CCDC88C: variants seen among roughly 807,000 people sequenced by gnomAD.
The protein encoded by CCDC88C is coiled-coil and HOOK domain protein 88C.
CCDC88C carries 131 observed loss-of-function variants against 198.8 expected under a neutral mutation model. The ratio of observed to expected loss-of-function variants is 0.66; its 90% CI spans 0.57 to 0.76. The LOEUF (loss-of-function observed/expected upper bound fraction) is 0.76, where lower values mean the gene tolerates loss of function less well. CCDC88C is among the 30% of genes least tolerant of loss of function. CCDC88C has a pLI of 0.00. For missense variants in CCDC88C, 2,553 were observed against 2,631.6 expected (o/e 0.97, Z 0.65); for synonymous variants, 1,166 against 1,114.7 (o/e 1.05, Z -0.92).
In CCDC88C at chr14:91,271,431, A is replaced by C. The variant is rs530978274; in HGVS notation, c.*1194T>G. 1.3e-5 allele frequency: 2 copies of C among 152,206 alleles called. No homozygotes were observed. The highest frequency in any genetic ancestry group is 2.9e-5 in the Non-Finnish European group (2 of 67,996). 9.4% of individuals were successfully genotyped at this position (152,206 alleles called of 1,614,324 possible). On this transcript the variant is annotated 3_prime_UTR_variant, in exon 30 of 30. Coordinates refer to ENST00000389857, the MANE Select transcript of CCDC88C (RefSeq NM_001080414.4). ...AAAATGGATCTTGTTAACATTCAAA[A>C]GTCTCCCATTTCTTTCTCAGTATAT...
At chr14:91,360,252 TCACACACACACACACACACACACA>T (rs57026211) in intron 3 of CCDC88C, among the ~76,000 whole-genome samples, 1 of 144,196 alleles carries the variant, frequency 6.9e-6, no homozygotes, top group Non-Finnish European at 1.5e-5. Flanking sequence ...GACCCCATCT[TCACACACACACACACACACACACA>T]CACACACACA....
rs929809876 is a variant in CCDC88C at position 91,370,285 on chromosome 14, C to T, written c.271-10574G>A. 9.9e-5 allele frequency among the ~76,000 whole-genome samples: 15 copies of T among 152,196 alleles called. No homozygotes were observed. The Middle Eastern group carries it at 9.5e-3, about 96-fold the overall frequency. On this transcript the variant is annotated intron_variant, in intron 3 of 29. Coordinates refer to ENST00000389857, the MANE Select transcript of CCDC88C (RefSeq NM_001080414.4). ...GGAAGGGAGGGGCTGGAAAAAGAGA[C>T]GCTGCTGGCAAGAGAGGCACAGCAC... is the stretch of plus-strand genomic sequence containing the variant.
chr14:91,417,573 G>C, intron 1 of CCDC88C, 58 bp downstream of exon 1: 1 of 1,502,654 alleles, frequency 6.7e-7, no homozygotes, highest in Non-Finnish European at 9.0e-7. Context: ...GCGTCCCGTC[G>C]CCGGGCTAGA....
Position 91,283,516 on chromosome 14 carries a change from G to T in CCDC88C, c.4443C>A (p.Gly1481=), listed in dbSNP as rs1431160688. ...CTCGCTTTGGTTTTAGATCCCCAGG[G>T]CCTGAGGCAGAAGAGGACATTGAGA... The part of the protein sequence containing the change: ...RDAHNGSVGK[G]PGDLKPKRGS... Residue 1481 remains glycine (G), a splice_region_variant and synonymous_variant, in exon 26 of 30, where the codon GGC becomes GGA. Coordinates refer to ENST00000389857, the MANE Select transcript of CCDC88C (RefSeq NM_001080414.4). 1.2e-6 allele frequency: 2 copies of T among 1,607,152 alleles called. No homozygotes were observed. The highest frequency in any genetic ancestry group is 2.2e-5 in the South Asian group (2 of 89,566).
At chr14:91,309,532 C>G (rs753445316) in intron 16 of CCDC88C, among the ~76,000 whole-genome samples, 2 of 151,582 alleles carry the variant, frequency 1.3e-5, no homozygotes, top group Non-Finnish European at 2.9e-5. Context: ...ATCGCTTGAA[C>G]CCGGGAGGTG....
At chr14:91,336,059 T>C (rs1893029839) in intron 10 of CCDC88C, among the ~76,000 whole-genome samples, 1 of 152,244 alleles carries the variant, frequency 6.6e-6, no homozygotes, top group East Asian at 1.9e-4. Context: ...CTTTCTCTTG[T>C]GATTAATAAA....
rs1894215310 is a variant in CCDC88C, at chr14:91,359,703, G to A, written c.279C>T (p.Leu93=). The change falls in exon 4 of 30, where the codon CTC becomes CTT. Residue 93 remains leucine, a synonymous_variant. Transcript: ENST00000389857. The part of the protein sequence containing the change: ...RNIKTYYQEV[L]QQLIVMNLPN... ...GCAAATTCATTACAATCAGCTGCTG[G>A]AGAACTTCCTGCAGAAACAAAGGGG... 1.2e-6 allele frequency: 2 copies of A among 1,609,458 alleles called. No homozygotes were observed. The highest frequency in any genetic ancestry group is 1.7e-5 in the Admixed American group (1 of 59,398).
chr14:91,331,533 T>TGC (rs1438427325), intron 10 of CCDC88C, among the ~76,000 whole-genome samples: 1 of 148,586 alleles, frequency 6.7e-6, no homozygotes, highest in Non-Finnish European at 1.5e-5. Flanking sequence ...CACGTGTGTG[T>TGC]GCGCGTGCGA....
intron 4 of CCDC88C, among the ~76,000 whole-genome samples, chr14:91,346,015 C>T (rs1428069118): frequency 6.6e-6 from 1 of 152,110 alleles, no homozygotes; most frequent in Non-Finnish European, 1.5e-5. Context: ...GCTTTCTTCT[C>T]TTAAAAGACT....
At chr14:91,298,878 G>A (rs1478602309) in intron 21 of CCDC88C, among the ~76,000 whole-genome samples, 1 of 152,212 alleles carries the variant, frequency 6.6e-6, no homozygotes, top group Non-Finnish European at 1.5e-5. Context: ...GACAGGACCT[G>A]GATTCCATCC....
Position 91,339,333 on chromosome 14 carries a change from G to C in CCDC88C, c.754C>G (p.Leu252Val), listed in dbSNP as rs61745576. The change falls in exon 8 of 30, where the codon CTG becomes GTG. Residue 252 changes from leucine (L) to valine (V), a missense_variant. Leu to Val is a conservative substitution (Grantham distance 32, BLOSUM62 1). Coordinates refer to ENST00000389857, the MANE Select transcript of CCDC88C (RefSeq NM_001080414.4). The surrounding 1 kb of genome is among the most constrained non-coding windows in gnomAD (Gnocchi z 5.8). ...SSLSSEDKQH[L>V]AVELADTKAR... ...TTGGTGTCGGCCAGCTCTACGGCCA[G>C]GTGCTGCTTGTCTTCGCTAGAGAGG... 1.0e-3 allele frequency: 1,611 copies of C among 1,613,790 alleles called. 16 individuals carry two copies. The African/African-American group carries it at 0.02, about 20-fold the overall frequency.
At chr14:91,384,049 C>G (rs138245187) in intron 3 of CCDC88C, among the ~76,000 whole-genome samples, 2 of 152,254 alleles carry the variant, frequency 1.3e-5, no homozygotes, top group Non-Finnish European at 2.9e-5. Flanking sequence ...TCCTAGGGCA[C>G]CACATCTGGG....
chr14:91,381,701 G>A lies in CCDC88C; in HGVS notation c.271-21990C>T, dbSNP rs1449005381. Among the ~76,000 whole-genome samples, 1 of 152,176 alleles carries A rather than the reference G, an allele frequency of 6.6e-6. No homozygotes were observed. Among genetic ancestry groups the A allele is most frequent in the Admixed American group, 6.5e-5 (1 of 15,280 alleles). ...TACAAACAATTATCTGGGCATGGTG[G>A]CGCGTGCATGTAATTCCAGGTACTT... is the stretch of plus-strand genomic sequence containing the variant. On this transcript the variant is annotated intron_variant, in intron 3 of 29. Transcript: ENST00000389857. This position sits in a 1 kb window ranked among gnomAD's most constrained non-coding sequence, Gnocchi z 4.2.
intron 3 of CCDC88C, among the ~76,000 whole-genome samples, chr14:91,382,590 T>C (rs1002247683): frequency 2.0e-5 from 3 of 152,098 alleles, no homozygotes; most frequent in Non-Finnish European, 2.9e-5. Flanking sequence ...GAGGCAGAGA[T>C]GACCCAGAGA....
At chr14:91,275,818 CTTTTTT>C (rs34204634) in intron 29 of CCDC88C, among the ~76,000 whole-genome samples, 1,560 of 82,296 alleles carry the variant, frequency 0.019, 21 homozygotes, top group South Asian at 0.035. Flanking sequence ...ACCAGTGGTT[CTTTTTT>C]TTTTTTTTTT....
In CCDC88C at chr14:91,362,583, A is replaced by T. The variant is rs557400862; in HGVS notation, c.271-2872T>A. Among the ~76,000 whole-genome samples the T allele has an allele frequency of 3.9e-5, 6 of 152,308 alleles. No individual in the cohort carries two copies. In the East Asian group the frequency reaches 1.2e-3, roughly 29 times the overall value. On this transcript the variant is annotated intron_variant, in intron 3 of 29. Transcript: ENST00000389857. ...CAAAACAGGATGTTTAATTTTGTCT[A>T]ATCAGTACTTTCTAGTTTTCCCACA...
chr14:91,389,795 A>G (rs1369612620), intron 3 of CCDC88C, among the ~76,000 whole-genome samples: 3 of 149,132 alleles, frequency 2.0e-5, no homozygotes, highest in African/African-American at 7.4e-5. Flanking sequence ...TTTCTTGGCC[A>G]GGCGCGGTGG....
intron 10 of CCDC88C, among the ~76,000 whole-genome samples, chr14:91,328,002 C>T (rs1007342987): frequency 6.6e-6 from 1 of 152,216 alleles, no homozygotes; most frequent in Non-Finnish European, 1.5e-5. Flanking sequence ...CCACAGCAGG[C>T]CGGCCTGTTC....
intron 3 of CCDC88C, among the ~76,000 whole-genome samples, chr14:91,369,699 C>T (rs909235756): frequency 2.3e-4 from 35 of 152,260 alleles, no homozygotes; most frequent in Admixed American, 1.6e-3. Flanking sequence ...CTCTTCGGGG[C>T]GGGGAGTCCT....
Sources: gnomAD v4.1 joint callset for allele counts (sites outside exome capture counted in the v4.1 genomes callset) on GRCh38, gnomAD v4.1.1 for gene constraint, Gnocchi (gnomAD v3.1) non-coding constraint, MANE v1.5 for transcripts, NCBI Gene and HGNC (gene_info 2026-07-23, HGNC 2026-07-21) for gene names.